The following SNX4 variants were observed in gnomAD, a reference collection of about 807,000 sequenced individuals.
SNX4 encodes the protein sorting nexin 4, also known as sorting nexin-4.
In SNX4, 49 loss-of-function variants were observed where a neutral mutation model predicts 70.8. The ratio of observed to expected loss-of-function variants is 0.69; its 90% CI spans 0.55 to 0.88. The LOEUF is 0.88. SNX4 is among the 40% of genes least tolerant of loss of function. The pLI is 0.00. For missense variants in SNX4, 528 were observed against 544.8 expected (o/e 0.97, Z 0.31); for synonymous variants, 206 against 183.8 (o/e 1.12, Z -0.98).
intron 7 of SNX4, 103 bp downstream of exon 7, chr3:125,480,144 C>CAGTT: frequency 1.7e-6 from 1 of 605,348 alleles, no homozygotes; most frequent in East Asian, 3.1e-5. Context: ...ATGCAAAAAT[C>CAGTT]AGTTATTCAT....
intron 10 of SNX4, among the ~76,000 whole-genome samples, chr3:125,458,833 A>G (rs1368561728): frequency 1.9e-5 from 2 of 107,106 alleles, no homozygotes; most frequent in African/African-American, 1.0e-4. Context: ...AAAAAAAAAA[A>G]AAAAAAAAAA....
At chr3:125,457,410 T>A in intron 10 of SNX4, 45 bp from the exon 11 acceptor site, 2 of 1,429,420 alleles carry the variant, frequency 1.4e-6, no homozygotes, top group Non-Finnish European at 2.0e-6. Context: ...TCCTTTAACA[T>A]GTCAAACATT....
At chr3:125,481,542 G>A (rs1383357318) in intron 6 of SNX4, among the ~76,000 whole-genome samples, 7 of 149,912 alleles carry the variant, frequency 4.7e-5, no homozygotes, top group Non-Finnish European at 8.9e-5. Flanking sequence ...TCCGCCTCCC[G>A]AGTTCAAGCA....
rs532889295 is a variant in SNX4, at chr3:125,455,682, G to A, written c.1044+1584C>T. Among the ~76,000 whole-genome samples, 61 of 152,268 alleles carry A rather than the reference G, an allele frequency of 4.0e-4. No homozygotes were observed. In the South Asian group the frequency reaches 0.012, roughly 30 times the overall value. On this transcript the variant is annotated intron_variant, in intron 11 of 13. Transcript: ENST00000251775. ...CATATATCTGTGACTTTTCACAGATGTAGCCAGTGGGTAATCTCTGTGAAA... is the reference window on the plus strand; with the variant it reads ...CATATATCTGTGACTTTTCACAGATATAGCCAGTGGGTAATCTCTGTGAAA...
Position 125,480,259 on chromosome 3 carries a change from A to G in SNX4, c.714T>C (p.Leu238=), listed in dbSNP as rs35547631. 0.028 allele frequency: 44,252 copies of G among 1,561,822 alleles called. 752 individuals are homozygous for G. Among genetic ancestry groups the G allele is most frequent in the Middle Eastern group, 0.049 (288 of 5,894 alleles). Residue 238 remains leucine (L), a synonymous_variant, in exon 7 of 14, where the codon CTT becomes CTC. Coordinates refer to ENST00000251775, the MANE Select transcript of SNX4 (RefSeq NM_003794.4). ...DELQSVISHL[L]RVRARVADRL... is the part of the protein sequence containing the mutation. ...GGGGACCACTTACAGCTCTGACTCG[A>G]AGAAGATGTGAGATGACAGACTGCA...
At chr3:125,491,941 T>C (rs139146994) in intron 5 of SNX4, among the ~76,000 whole-genome samples, 7,294 of 151,754 alleles carry the variant, frequency 0.048, 413 homozygotes, top group African/African-American at 0.13. Flanking sequence ...ACCCTGTCTC[T>C]ACTAAAAATA....
intron 2 of SNX4, among the ~76,000 whole-genome samples, chr3:125,500,621 G>A (rs1048806328): frequency 4.0e-5 from 6 of 151,758 alleles, no homozygotes; most frequent in Non-Finnish European, 7.4e-5. Flanking sequence ...CTAACACAGT[G>A]AAACCCCGTT....
chr3:125,507,286 A>C (rs1320625597), intron 1 of SNX4, among the ~76,000 whole-genome samples: 1 of 152,054 alleles, frequency 6.6e-6, no homozygotes, highest in Non-Finnish European at 1.5e-5. Context: ...GTTCAAAGGC[A>C]AATTTGAGCA....
intron 6 of SNX4, among the ~76,000 whole-genome samples, chr3:125,483,045 T>G (rs1306582306): frequency 6.6e-6 from 1 of 152,058 alleles, no homozygotes; most frequent in East Asian, 1.9e-4. Context: ...GACTTTTCAC[T>G]GTACAACTTT....
chr3:125,488,823 G>A (rs1934591408), intron 6 of SNX4, among the ~76,000 whole-genome samples: 1 of 152,126 alleles, frequency 6.6e-6, no homozygotes, highest in African/African-American at 2.4e-5. Flanking sequence ...GCCAAGTAAA[G>A]GTCCATATAA....
intron 5 of SNX4, among the ~76,000 whole-genome samples, chr3:125,490,868 A>T (rs1934644609): frequency 6.6e-6 from 1 of 152,130 alleles, no homozygotes; most frequent in South Asian, 2.1e-4. Flanking sequence ...CTCAATCAGG[A>T]ATCAATTTCT....
At chr3:125,473,123 C>T (rs1436193708) in intron 8 of SNX4, among the ~76,000 whole-genome samples, 1 of 152,078 alleles carries the variant, frequency 6.6e-6, no homozygotes, top group East Asian at 1.9e-4. Flanking sequence ...TACAAATGAG[C>T]CCATCACCCA....
intron 2 of SNX4, among the ~76,000 whole-genome samples, chr3:125,501,982 C>T (rs148512001): frequency 0.011 from 1,607 of 152,274 alleles, 16 homozygotes; most frequent in Non-Finnish European, 0.016. Flanking sequence ...CAAGTACAAA[C>T]ATTATTAAGT....
At chr3:125,454,056 T>C in intron 11 of SNX4, 101 bp from the exon 12 acceptor site, 1 of 931,392 alleles carries the variant, frequency 1.1e-6, no homozygotes, top group Non-Finnish European at 1.6e-6. Flanking sequence ...TCAAATCTGA[T>C]ATATGCTACA....
At position 125,495,275 on chromosome 3, in the gene SNX4, T is replaced by TATATATATATATACACACACAC; in HGVS notation, c.597+2065_597+2066insGTGTGTGTGTATATATATATAT. On this transcript the variant is annotated intron_variant, in intron 5 of 13. Transcript: ENST00000251775. ...TTATATATATATATATATATATATA[T>TATATATATATATACACACACAC]ATACACATACACACACACACACGTA... 1.1e-3 allele frequency among the ~76,000 whole-genome samples: 92 copies of TATATATATATATACACACACAC among 83,052 alleles called. 1 individual carries two copies. The highest frequency in any genetic ancestry group is 2.3e-3 in the African/African-American group (63 of 27,584). The allele number at this position is 83,052 out of a possible 152,430, so 54.5% of individuals were successfully genotyped here.
chr3:125,458,210 TCACCCAGG>T (rs1933775229), intron 10 of SNX4, among the ~76,000 whole-genome samples: 2 of 148,938 alleles, frequency 1.3e-5, no homozygotes. Flanking sequence ...TCTCACTCTG[TCACCCAGG>T]CTGGAGGGCA....
intron 2 of SNX4, 126 bp downstream of exon 2, chr3:125,504,497 G>A (rs1935004982): frequency 2.1e-6 from 2 of 930,358 alleles, no homozygotes; most frequent in East Asian, 5.1e-5. Flanking sequence ...AAAAAGTAAA[G>A]AAACAAAGTC....
intron 6 of SNX4, among the ~76,000 whole-genome samples, chr3:125,482,896 T>C (rs1934446734): frequency 6.6e-6 from 1 of 151,956 alleles, no homozygotes; most frequent in African/African-American, 2.4e-5. Flanking sequence ...AGAGTACAAA[T>C]CTCCCTTTAT....
At chr3:125,513,675 C>T (rs570388337) in intron 1 of SNX4, among the ~76,000 whole-genome samples, 80 of 152,268 alleles carry the variant, frequency 5.3e-4, no homozygotes, top group South Asian at 2.5e-3. Flanking sequence ...TTTTTCTAGG[C>T]GTGATGCTTC....
Sources: gnomAD v4.1 joint callset for allele counts (sites outside exome capture counted in the v4.1 genomes callset) on GRCh38, gnomAD v4.1.1 for gene constraint, MANE v1.5 for transcripts, NCBI Gene and HGNC (gene_info 2026-07-23, HGNC 2026-07-21) for gene names.